OXR1: variants seen among roughly 807,000 people sequenced by gnomAD.
OXR1 encodes the protein oxidation resistance 1, also known as oxidation resistance protein 1.
A neutral mutation model predicts 104.6 loss-of-function variants in OXR1; 41 were observed. That is an observed-to-expected ratio of 0.39 (90% confidence interval 0.31 to 0.51). The LOEUF (loss-of-function observed/expected upper bound fraction) is 0.51, where lower values mean the gene tolerates loss of function less well. OXR1 is among the 20% of genes least tolerant of loss of function. The probability of loss-of-function intolerance (pLI) is 0.77; values close to 1 mark genes in which losing one functional copy is unlikely to be tolerated. For synonymous variants in OXR1, 348 were observed against 348.4 expected (o/e 1.00, Z 0.01); for missense variants, 955 against 1,031.9 (o/e 0.93, Z 1.02).
intron 1 of OXR1, among the ~76,000 whole-genome samples, chr8:106,310,563 T>A (rs1813658878): frequency 6.6e-6 from 1 of 152,214 alleles, no homozygotes; most frequent in African/African-American, 2.4e-5. Context: ...TAGTCAGGCA[T>A]ATCCTCTTAT....
intron 3 of OXR1, among the ~76,000 whole-genome samples, chr8:106,550,198 G>A (rs191446040): frequency 1.3e-5 from 2 of 152,306 alleles, no homozygotes; most frequent in East Asian, 1.9e-4. Context: ...CTCATCAGAT[G>A]TTCACCAGCA....
intron 1 of OXR1, among the ~76,000 whole-genome samples, chr8:106,350,064 A>C (rs886502477): frequency 6.6e-6 from 1 of 152,168 alleles, no homozygotes; most frequent in African/African-American, 2.4e-5. Context: ...CAATAGTTTG[A>C]AGTCACAGCT....
chr8:106,302,475 A>C (rs1168779901), intron 1 of OXR1, among the ~76,000 whole-genome samples: 2 of 151,268 alleles, frequency 1.3e-5, no homozygotes, highest in Non-Finnish European at 2.9e-5. Flanking sequence ...AGTCCCAGCT[A>C]CTCGGGAGGC....
intron 8 of OXR1, among the ~76,000 whole-genome samples, chr8:106,704,390 CTTCTTTTT>C (rs1830912646): frequency 2.6e-5 from 2 of 75,840 alleles, no homozygotes; most frequent in African/African-American, 1.2e-4. Context: ...TTTCTTTCTT[CTTCTTTTT>C]TTTTTTTTTT....
intron 1 of OXR1, among the ~76,000 whole-genome samples, chr8:106,354,174 A>T (rs533194820): frequency 2.6e-5 from 4 of 152,116 alleles, no homozygotes; most frequent in South Asian, 4.2e-4. Flanking sequence ...GCTCAAGCAG[A>T]GTAGAGAGCC....
chr8:106,627,549 AATG>A (rs996887664), intron 3 of OXR1, among the ~76,000 whole-genome samples: 1 of 134,850 alleles, frequency 7.4e-6, no homozygotes, highest in African/African-American at 2.5e-5. Context: ...GTAGTGGCTT[AATG>A]ATGATGACAT....
intron 1 of OXR1, among the ~76,000 whole-genome samples, chr8:106,338,045 A>G (rs1815035625): frequency 6.6e-6 from 1 of 152,166 alleles, no homozygotes; most frequent in Non-Finnish European, 1.5e-5. Flanking sequence ...CTTCTATTTT[A>G]TCTGTTAAAC....
chr8:106,408,090 C>T (rs1182952209), intron 2 of OXR1, among the ~76,000 whole-genome samples: 2 of 152,188 alleles, frequency 1.3e-5, no homozygotes, highest in African/African-American at 4.8e-5. Context: ...GCTGAACATC[C>T]TGCAATGCAC....
At chr8:106,710,152 C>A (rs2131391977) in intron 9 of OXR1, among the ~76,000 whole-genome samples, 1 of 152,198 alleles carries the variant, frequency 6.6e-6, no homozygotes, top group East Asian at 1.9e-4. Context: ...TGTTTTATTA[C>A]AATTTTGTAT....
intron 1 of OXR1, among the ~76,000 whole-genome samples, chr8:106,354,101 C>G (rs529444928): frequency 6.8e-6 from 1 of 147,182 alleles, no homozygotes; most frequent in Non-Finnish European, 1.5e-5. Context: ...AGGCCCTTTG[C>G]CCATTTTTTT....
At chr8:106,581,642 T>G (rs192237223) in intron 3 of OXR1, among the ~76,000 whole-genome samples, 306 of 152,328 alleles carry the variant, frequency 2.0e-3, no homozygotes, top group African/African-American at 6.9e-3. Flanking sequence ...CGCAGATGAA[T>G]AAAATGAACT....
At chr8:106,750,372 C>T (rs1211209132) in intron 16 of OXR1, among the ~76,000 whole-genome samples, 2 of 140,924 alleles carry the variant, frequency 1.4e-5, no homozygotes, top group Non-Finnish European at 3.0e-5. Flanking sequence ...GTCGCGCAGG[C>T]TGGAGTGCAA....
intron 2 of OXR1, among the ~76,000 whole-genome samples, chr8:106,443,675 C>CT (rs1819887456): frequency 2.0e-5 from 3 of 152,066 alleles, no homozygotes; most frequent in African/African-American, 7.2e-5. Context: ...CCTTCTTTGT[C>CT]TTTTTTGATC....
chr8:106,737,574 C>T lies in OXR1; in HGVS notation c.2011C>T (p.Leu671=). 1 of 1,409,886 alleles carries T rather than the reference C, an allele frequency of 7.1e-7. No individual in the cohort carries two copies. The highest frequency in any genetic ancestry group is 9.3e-7 in the Non-Finnish European group (1 of 1,072,936). 87.3% of individuals were successfully genotyped at this position (1,409,886 alleles called of 1,614,324 possible). A position where few individuals can be genotyped will look rare whatever the true frequency, so the allele number is the denominator to read the frequency against. Reference sequence around the variant, plus strand: ...GATCGATGCTCTAAATACTGAAGAACTGCGCACACTCTGCAGACGCCTCCA... The same window carrying T: ...GATCGATGCTCTAAATACTGAAGAATTGCGCACACTCTGCAGACGCCTCCA... ...RRIDALNTEE[L]RTLCRRLQIT... Residue 671 remains leucine, a synonymous_variant, in exon 12 of 17, where the codon CTG becomes TTG. Transcript: ENST00000517566.
chr8:106,585,605 G>A (rs1159600697), intron 3 of OXR1, among the ~76,000 whole-genome samples: 2 of 152,042 alleles, frequency 1.3e-5, no homozygotes, highest in Admixed American at 6.6e-5. Context: ...ATGAATGTAG[G>A]GCATGAGTAA....
At chr8:106,280,403 C>T (rs1812229865) in intron 1 of OXR1, among the ~76,000 whole-genome samples, 1 of 152,162 alleles carries the variant, frequency 6.6e-6, no homozygotes, top group African/African-American at 2.4e-5. Flanking sequence ...GGAAAATCTG[C>T]TTCATGCCTT....
intron 3 of OXR1, chr8:106,520,704 CAA>C (rs1291473950): frequency 2.0e-5 from 3 of 152,202 alleles, no homozygotes; most frequent in Non-Finnish European, 2.9e-5. Flanking sequence ...GAAAATCTCA[CAA>C]AGTCTACATA....
chr8:106,669,033 G>A (rs1480751207), intron 3 of OXR1, among the ~76,000 whole-genome samples: 2 of 152,212 alleles, frequency 1.3e-5, no homozygotes, highest in South Asian at 2.1e-4. Context: ...TAATATCATG[G>A]ATCTTTTCAC....
chr8:106,448,739 T>C (rs1239390491), intron 2 of OXR1, among the ~76,000 whole-genome samples: 1 of 152,154 alleles, frequency 6.6e-6, no homozygotes, highest in African/African-American at 2.4e-5. Context: ...GATGACCAGG[T>C]GCTCTTTTAG....
Sources: allele counts gnomAD v4.1 joint callset (sites outside exome capture counted in the v4.1 genomes callset), GRCh38; gene constraint gnomAD v4.1.1; transcripts MANE v1.5; gene names NCBI Gene and HGNC (gene_info 2026-07-23, HGNC 2026-07-21).